The following ADAMTSL1 variants were observed in gnomAD, a reference collection of about 807,000 sequenced individuals.
ADAMTSL1 encodes ADAMTS-like protein 1.
ADAMTSL1 carries 126 observed loss-of-function variants against 201.8 expected under a neutral mutation model. That is an observed-to-expected ratio of 0.62 (90% CI 0.54 to 0.72). ADAMTSL1 has a LOEUF of 0.72. ADAMTSL1 is among the 30% of genes least tolerant of loss of function. The probability of loss-of-function intolerance (pLI) is 0.00; values close to 1 mark genes in which losing one functional copy is unlikely to be tolerated. For missense variants in ADAMTSL1, 2,679 were observed against 2,277.8 expected (o/e 1.18, Z -3.59); for synonymous variants, 1,121 against 903.4 (o/e 1.24, Z -4.32).
intron 4 of ADAMTSL1, among the ~76,000 whole-genome samples, chr9:18,580,271 A>G (rs1823014943): frequency 6.6e-6 from 1 of 152,196 alleles, no homozygotes; most frequent in Non-Finnish European, 1.5e-5. Context: ...CAACATCAAA[A>G]TGAACCATAT....
intron 2 of ADAMTSL1, among the ~76,000 whole-genome samples, chr9:18,337,350 G>C (rs1017100496): frequency 2.0e-5 from 3 of 152,034 alleles, no homozygotes; most frequent in African/African-American, 7.2e-5. Flanking sequence ...GGACTTGGAC[G>C]GGCTTCCTTA....
chr9:18,258,041 G>A (rs1455424461), intron 2 of ADAMTSL1, among the ~76,000 whole-genome samples: 3 of 152,170 alleles, frequency 2.0e-5, no homozygotes. Flanking sequence ...AATAGATCTT[G>A]GTGATAGCTG....
intron 5 of ADAMTSL1, among the ~76,000 whole-genome samples, chr9:18,624,291 G>A (rs1409657280): frequency 1.3e-5 from 2 of 152,190 alleles, no homozygotes; most frequent in South Asian, 2.1e-4. Context: ...ATGTGGGTTG[G>A]TAGCTTCTTC....
chr9:18,543,558 G>T (rs76270172), intron 3 of ADAMTSL1, among the ~76,000 whole-genome samples: 3,709 of 152,140 alleles, frequency 0.024, 143 homozygotes, highest in African/African-American at 0.084. Flanking sequence ...GGTTGACTTT[G>T]GTTCAAAACA....
chr9:18,070,332 G>C (rs1822907962), intron 1 of ADAMTSL1, among the ~76,000 whole-genome samples: 1 of 152,192 alleles, frequency 6.6e-6, no homozygotes, highest in Non-Finnish European at 1.5e-5. Context: ...CTAAGAGCAG[G>C]AGTTGCTTCA....
chr9:18,289,096 T>C (rs1422249060), intron 2 of ADAMTSL1, among the ~76,000 whole-genome samples: 6 of 152,210 alleles, frequency 3.9e-5, no homozygotes, highest in African/African-American at 1.4e-4. Flanking sequence ...CAAAAAGATA[T>C]ATACCTAATA....
At chr9:18,022,274 T>G (rs758093960) in intron 1 of ADAMTSL1, among the ~76,000 whole-genome samples, 1 of 152,130 alleles carries the variant, frequency 6.6e-6, no homozygotes, top group Non-Finnish European at 1.5e-5. Context: ...AGGGAAGTCA[T>G]AGATACCTGA....
chr9:18,691,920 C>A (rs372949749), intron 13 of ADAMTSL1, among the ~76,000 whole-genome samples: 1 of 152,086 alleles, frequency 6.6e-6, no homozygotes, highest in African/African-American at 2.4e-5. Flanking sequence ...ATTCATTTTC[C>A]TAGAGAATCT....
chr9:18,761,386 T>C (rs1010149978), intron 16 of ADAMTSL1, among the ~76,000 whole-genome samples: 2 of 152,200 alleles, frequency 1.3e-5, no homozygotes, highest in Non-Finnish European at 2.9e-5. Context: ...GTTTTCCTTA[T>C]TGTGTATTTT....
At chr9:18,108,017 A>T (rs1209112135) in intron 1 of ADAMTSL1, among the ~76,000 whole-genome samples, 2 of 152,158 alleles carry the variant, frequency 1.3e-5, no homozygotes, top group Non-Finnish European at 2.9e-5. Context: ...AAGTGGCTTT[A>T]TAATTAATGA....
At chr9:18,632,825 C>G (rs1826861500) in intron 5 of ADAMTSL1, among the ~76,000 whole-genome samples, 1 of 152,122 alleles carries the variant, frequency 6.6e-6, no homozygotes, top group African/African-American at 2.4e-5. Context: ...GAGTTTGTAC[C>G]AGCCTGACTT....
intron 2 of ADAMTSL1, among the ~76,000 whole-genome samples, chr9:18,439,295 G>T (rs1284424757): frequency 6.6e-6 from 1 of 152,192 alleles, no homozygotes; most frequent in Non-Finnish European, 1.5e-5. Context: ...TTTGCTCATT[G>T]TTATTCCTTA....
At chr9:18,483,928 A>T (rs1421085741) in intron 1 of ADAMTSL1, among the ~76,000 whole-genome samples, 1 of 152,236 alleles carries the variant, frequency 6.6e-6, no homozygotes, top group African/African-American at 2.4e-5. Flanking sequence ...AATCTGTAAA[A>T]TACGGCTCTT....
At chr9:18,656,350 G>C (rs985890586) in intron 7 of ADAMTSL1, among the ~76,000 whole-genome samples, 1 of 152,020 alleles carries the variant, frequency 6.6e-6, no homozygotes, top group African/African-American at 2.4e-5. Flanking sequence ...GGTAAGACTT[G>C]GCCAGGCACG....
intron 25 of ADAMTSL1, 38 bp downstream of exon 25, chr9:18,889,786 T>G: frequency 7.1e-7 from 1 of 1,414,148 alleles, no homozygotes; most frequent in Non-Finnish European, 9.2e-7. Context: ...CTCCCCACCC[T>G]AGGAGGAGCC....
intron 1 of ADAMTSL1, among the ~76,000 whole-genome samples, chr9:17,932,007 C>T (rs1826814729): frequency 1.3e-5 from 2 of 152,284 alleles, no homozygotes; most frequent in South Asian, 2.1e-4. Context: ...GGGACCCCTG[C>T]TGTTTGGAGA....
At chr9:18,104,095 T>G (rs924374656) in intron 1 of ADAMTSL1, among the ~76,000 whole-genome samples, 6 of 152,218 alleles carry the variant, frequency 3.9e-5, no homozygotes, top group Non-Finnish European at 5.9e-5. Context: ...AGAATATGCT[T>G]AGGGGAACTA....
intron 7 of ADAMTSL1, among the ~76,000 whole-genome samples, chr9:18,655,414 C>A (rs1204725523): frequency 1.3e-5 from 2 of 152,146 alleles, no homozygotes; most frequent in Non-Finnish European, 2.9e-5. Flanking sequence ...GGTTCAAATA[C>A]TCTTTTTTAT....
chr9:17,950,017 C>G (rs1000436382), intron 1 of ADAMTSL1, among the ~76,000 whole-genome samples: 2 of 152,052 alleles, frequency 1.3e-5, no homozygotes, highest in African/African-American at 4.8e-5. Flanking sequence ...CTCCCGGGTT[C>G]AAGTGATTCT....
Sources: gnomAD v4.1 joint callset for allele counts (sites outside exome capture counted in the v4.1 genomes callset) on GRCh38, gnomAD v4.1.1 for gene constraint, MANE v1.5 for transcripts, NCBI Gene and HGNC (gene_info 2026-07-23, HGNC 2026-07-21) for gene names.